Variants in ANKFN1 observed in about 807,000 individuals in gnomAD.
The protein encoded by ANKFN1 is ankyrin repeat and fibronectin type III domain containing 1, also known as ankyrin repeat and fibronectin type-III domain-containing protein 1.
In ANKFN1, 74 loss-of-function variants were observed where a neutral mutation model predicts 108.7. The ratio of observed to expected loss-of-function variants is 0.68; its 90% CI spans 0.56 to 0.83. ANKFN1 has a LOEUF of 0.83. Among genes scored for constraint, ANKFN1 ranks in the 40% least tolerant of loss-of-function variants. ANKFN1 has a pLI of 0.00. For missense variants in ANKFN1, 1,505 were observed against 1,382.3 expected (o/e 1.09, Z -1.41); for synonymous variants, 547 against 516.2 (o/e 1.06, Z -0.81).
intron 1 of ANKFN1, among the ~76,000 whole-genome samples, chr17:56,170,833 C>CACACACACACACACACACACAT (rs1910629016): frequency 7.3e-6 from 1 of 137,754 alleles, no homozygotes; most frequent in Non-Finnish European, 1.6e-5. Context: ...CACACACACA[C>CACACACACACACACACACACAT]ATATACACAC....
intron 4 of ANKFN1, among the ~76,000 whole-genome samples, chr17:56,046,885 G>A (rs1460336281): frequency 6.6e-6 from 1 of 152,174 alleles, no homozygotes; most frequent in African/African-American, 2.4e-5. Flanking sequence ...AAAAGCATGA[G>A]TTGCATTTTA....
chr17:56,055,566 C>CATATATATATATGTATAT (rs1904855761), intron 4 of ANKFN1, among the ~76,000 whole-genome samples: 1 of 47,442 alleles, frequency 2.1e-5, no homozygotes, highest in Admixed American at 2.3e-4. Context: ...GGTATATATA[C>CATATATATATATGTATAT]ATATATATAT....
chr17:56,057,083 T>C (rs1404780318), intron 4 of ANKFN1, among the ~76,000 whole-genome samples: 4 of 152,212 alleles, frequency 2.6e-5, no homozygotes, highest in African/African-American at 9.6e-5. Flanking sequence ...GAAACCACTT[T>C]CTTTGCTCAT....
At chr17:56,314,869 A>C (rs1021049783) in intron 3 of ANKFN1, among the ~76,000 whole-genome samples, 1 of 152,192 alleles carries the variant, frequency 6.6e-6, no homozygotes, top group Admixed American at 6.5e-5. Flanking sequence ...GACATGAATG[A>C]TTTTACATTA....
chr17:56,150,078 G>A (rs965654712), upstream of ANKFN1, among the ~76,000 whole-genome samples: 19 of 152,034 alleles, frequency 1.2e-4, no homozygotes, highest in African/African-American at 3.1e-4. Flanking sequence ...ATATTTCTAC[G>A]TAAGTTTTTT....
At chr17:56,114,951 G>A (rs919666240) in intron 4 of ANKFN1, among the ~76,000 whole-genome samples, 8 of 152,110 alleles carry the variant, frequency 5.3e-5, no homozygotes, top group Admixed American at 2.6e-4. Flanking sequence ...CACAGCCCCC[G>A]GAAGCTGGAA....
At chr17:56,182,696 C>T (rs1911799652) in intron 1 of ANKFN1, among the ~76,000 whole-genome samples, 1 of 152,196 alleles carries the variant, frequency 6.6e-6, no homozygotes, top group Non-Finnish European at 1.5e-5. Flanking sequence ...GGTGAAATGG[C>T]TACACCAAAC....
At chr17:56,109,019 G>A (rs1905808846) in intron 4 of ANKFN1, among the ~76,000 whole-genome samples, 1 of 152,152 alleles carries the variant, frequency 6.6e-6, no homozygotes, top group South Asian at 2.1e-4. Context: ...TAACACATAG[G>A]CTTTAAAGTT....
At chr17:56,047,773 A>G (rs1052147931) in intron 4 of ANKFN1, among the ~76,000 whole-genome samples, 1 of 152,188 alleles carries the variant, frequency 6.6e-6, no homozygotes, top group African/African-American at 2.4e-5. Context: ...ACAGGGCTCA[A>G]TGCTAGGGGT....
intron 8 of ANKFN1, among the ~76,000 whole-genome samples, chr17:56,429,952 G>C (rs1181792201): frequency 6.6e-6 from 1 of 152,148 alleles, no homozygotes; most frequent in Non-Finnish European, 1.5e-5. Flanking sequence ...GTATATAAAT[G>C]CCAGAAAGAA....
chr17:56,340,759 T>C (rs1410234023), intron 4 of ANKFN1, among the ~76,000 whole-genome samples: 2 of 152,176 alleles, frequency 1.3e-5, no homozygotes, highest in Admixed American at 6.6e-5. Flanking sequence ...TTTGTTCTTT[T>C]TGCTTAGGAT....
intron 1 of ANKFN1, among the ~76,000 whole-genome samples, chr17:56,184,308 G>T (rs1911979893): frequency 1.3e-5 from 2 of 152,130 alleles, no homozygotes; most frequent in African/African-American, 4.8e-5. Flanking sequence ...CAGCAACATA[G>T]AGGCAAGACC....
Position 56,449,187 on chromosome 17 carries a change from G to GT in ANKFN1, c.1207+2dup. The GT allele has an allele frequency of 6.2e-7, 1 of 1,612,300 alleles. No individual in the cohort carries two copies. Among genetic ancestry groups the GT allele is most frequent in the Non-Finnish European group, 8.5e-7 (1 of 1,178,826 alleles). On this transcript the variant is annotated splice_donor_variant, in intron 11 of 20. Transcript: ENST00000682825. LOFTEE classifies it high-confidence loss of function. ...CTTCATCAGCATTACAGTTGCCGGG[G>GT]TAAGGATAAAAATCTGTGCTGGGCC...
intron 3 of ANKFN1, among the ~76,000 whole-genome samples, chr17:56,246,603 T>A (rs1299344851): frequency 6.6e-6 from 1 of 152,130 alleles, no homozygotes; most frequent in East Asian, 1.9e-4. Context: ...AATAGTTAAT[T>A]AACAATAAAT....
intron 4 of ANKFN1, among the ~76,000 whole-genome samples, chr17:56,327,385 C>T (rs564787758): frequency 1.3e-5 from 2 of 152,200 alleles, no homozygotes; most frequent in South Asian, 4.2e-4. Context: ...GTCTTTGGTG[C>T]ACTCTATCTG....
intron 4 of ANKFN1, among the ~76,000 whole-genome samples, chr17:56,092,366 C>T (rs960694697): frequency 6.7e-6 from 1 of 149,008 alleles, no homozygotes; most frequent in African/African-American, 2.5e-5. Context: ...GCTCTGCCTC[C>T]CGGGTTCAGG....
At chr17:56,314,870 T>C (rs970455952) in intron 3 of ANKFN1, among the ~76,000 whole-genome samples, 20 of 152,174 alleles carry the variant, frequency 1.3e-4, no homozygotes, top group Admixed American at 5.2e-4. Context: ...ACATGAATGA[T>C]TTTACATTAA....
At chr17:56,362,004 T>C (rs1031314595) in intron 6 of ANKFN1, among the ~76,000 whole-genome samples, 1 of 152,126 alleles carries the variant, frequency 6.6e-6, no homozygotes, top group African/African-American at 2.4e-5. Context: ...ACAACCCTGG[T>C]TGTTCAGTGT....
intron 6 of ANKFN1, 83 bp from the exon 7 acceptor site, chr17:56,372,563 T>A: frequency 1.2e-5 from 13 of 1,122,990 alleles, no homozygotes; most frequent in South Asian, 1.4e-5. Flanking sequence ...TTTCAAATCA[T>A]AGTAAACTCT....
Sources: gnomAD v4.1 joint callset for allele counts (sites outside exome capture counted in the v4.1 genomes callset) on GRCh38, gnomAD v4.1.1 for gene constraint, MANE v1.5 for transcripts, NCBI Gene and HGNC (gene_info 2026-07-23, HGNC 2026-07-21) for gene names.